DCAF11: variants seen among roughly 807,000 people sequenced by gnomAD.
DCAF11 encodes DDB1 and CUL4 associated factor 11.
In DCAF11, 44 loss-of-function variants were observed where a neutral mutation model predicts 76.1. That is an observed-to-expected ratio of 0.58 (90% CI 0.45 to 0.74). The LOEUF is 0.74. Ranked by LOEUF, DCAF11 falls within the 30% of genes least tolerant of loss-of-function variation. DCAF11 has a pLI of 0.00. For synonymous variants in DCAF11, 258 were observed against 255.0 expected (o/e 1.01, Z -0.11); for missense variants, 604 against 709.4 (o/e 0.85, Z 1.69).
At chr14:24,122,283 C>T (rs2037705343) in intron 13 of DCAF11, 1 of 151,958 alleles carries the variant, frequency 6.6e-6, no homozygotes, top group South Asian at 2.1e-4. Flanking sequence ...ATGGTGAAGC[C>T]CCATCTCTAT....
intron 2 of DCAF11, among the ~76,000 whole-genome samples, chr14:24,116,591 CTTG>C (rs542627335): frequency 6.6e-4 from 101 of 152,296 alleles, no homozygotes; most frequent in Non-Finnish European, 1.2e-3. Flanking sequence ...GGATGTTTAG[CTTG>C]TTGGGAGGTC....
chr14:24,119,658 C>T, intron 10 of DCAF11, 42 bp downstream of exon 10: 1 of 1,614,142 alleles, frequency 6.2e-7, no homozygotes, highest in Non-Finnish European at 8.5e-7. Context: ...TGGTTTTTGG[C>T]TTTTTATAAG....
In DCAF11 at chr14:24,117,322, G is replaced by A; in HGVS notation, c.340G>A (p.Glu114Lys). 1 of 1,614,206 alleles carries A rather than the reference G, an allele frequency of 6.2e-7. No individual in the cohort carries two copies. The highest frequency in any genetic ancestry group is 8.5e-7 in the Non-Finnish European group (1 of 1,180,034). ...LEFNEIKTQV[E>K]LATGQLGLRR... ...ATTCAATGAGATCAAGACACAAGTG[G>A]AACTGGCCACAGGGCAGCTGGGGCT... Residue 114 changes from glutamate to lysine, a missense_variant, in exon 4 of 15, where the codon GAA becomes AAA. By Grantham distance (56) the Glu-to-Lys change is moderately conservative. Transcript: ENST00000446197. The surrounding 1 kb of genome is among the most constrained non-coding windows in gnomAD (Gnocchi z 4.3).
rs371314927 is a variant in DCAF11 at position 24,117,641 on chromosome 14, C to G, written c.412-27C>G. 1 of 1,607,776 alleles carries G rather than the reference C, an allele frequency of 6.2e-7. No homozygotes were observed. The highest frequency in any genetic ancestry group is 8.5e-7 in the Non-Finnish European group (1 of 1,175,308). On this transcript the variant is annotated intron_variant, in intron 4 of 14. Coordinates refer to ENST00000446197, the MANE Select transcript of DCAF11 (RefSeq NM_025230.5). This position sits in a 1 kb window ranked among gnomAD's most constrained non-coding sequence, Gnocchi z 4.3. ...TGAAGTGGCCCTCTATTTCTGCTAGCAATATTCCCCAATCCCTTCCATTTA... is the reference window on the plus strand; with the variant it reads ...TGAAGTGGCCCTCTATTTCTGCTAGGAATATTCCCCAATCCCTTCCATTTA...
intron 6 of DCAF11, 34 bp downstream of exon 6, chr14:24,118,189 C>T (rs145287754): frequency 1.3e-6 from 2 of 1,591,492 alleles, no homozygotes; most frequent in Non-Finnish European, 1.7e-6. Context: ...CTATCTTTTC[C>T]TGGAACATGG....
chr14:24,123,490 CT>C lies in DCAF11; in HGVS notation c.*183del. 1 of 959,688 alleles carries C rather than the reference CT, an allele frequency of 1.0e-6. No homozygotes were observed. The highest frequency in any genetic ancestry group is 1.4e-6 in the Non-Finnish European group (1 of 711,024). The allele number at this position is 959,688 out of a possible 1,614,324, so 59.4% of individuals were successfully genotyped here. A position where few individuals can be genotyped will look rare whatever the true frequency, so the allele number is the denominator to read the frequency against. On this transcript the variant is annotated 3_prime_UTR_variant, in exon 15 of 15. Coordinates refer to ENST00000446197, the MANE Select transcript of DCAF11 (RefSeq NM_025230.5). ...TCTCCCCATGGGGCAGAGTGGTCTC[CT>C]TACGTGCTCACACCCAGTCAGCTTG...
Position 24,115,083 on chromosome 14 carries a change from C to G in DCAF11, c.-424C>G, listed in dbSNP as rs2037513028. The G allele has an allele frequency of 1.1e-6, 1 of 946,630 alleles. No homozygotes were observed. The highest frequency in any genetic ancestry group is 1.3e-6 in the Non-Finnish European group (1 of 794,212). 58.6% of individuals were successfully genotyped at this position (946,630 alleles called of 1,614,324 possible). On this transcript the variant is annotated 5_prime_UTR_variant, in exon 1 of 15. Coordinates refer to ENST00000446197, the MANE Select transcript of DCAF11 (RefSeq NM_025230.5). ...ATTCTATTTTCATTGGCTGTCACTG[C>G]TGCCGGCCTTTGTAAGGGGGCGCTC...
Position 24,118,171 on chromosome 14 carries a change from C to T in DCAF11, c.577+16C>T, listed in dbSNP as rs368549286. On this transcript the variant is annotated intron_variant, in intron 6 of 14. Coordinates refer to ENST00000446197, the MANE Select transcript of DCAF11 (RefSeq NM_025230.5). The stretch of plus-strand genomic sequence containing the variant: ...GCTTGCCAAGGTACCAGACCCTGGT[C>T]CTATAAACTATCTTTTCCTGGAACA... 72 of 1,598,552 alleles carry T rather than the reference C, an allele frequency of 4.5e-5. No individual in the cohort carries two copies. The highest frequency in any genetic ancestry group is 1.9e-4 in the Admixed American group (11 of 59,330).
In DCAF11 at chr14:24,117,447, C is replaced by T. The variant is rs1227696984; in HGVS notation, c.411+54C>T. 3.7e-6 allele frequency: 6 copies of T among 1,607,310 alleles called. No individual in the cohort carries two copies. The East Asian group carries it at 8.9e-5, about 24-fold the overall frequency. ...GCAGGCCTGCCAAAGCAGCCAGAAG[C>T]TCTGCCAGCCCCAGAGAAAAAGGAA... is the stretch of plus-strand genomic sequence containing the variant. On this transcript the variant is annotated intron_variant, in intron 4 of 14. Coordinates refer to ENST00000446197, the MANE Select transcript of DCAF11 (RefSeq NM_025230.5). The surrounding 1 kb of genome is among the most constrained non-coding windows in gnomAD (Gnocchi z 4.3).
At chr14:24,120,494 T>G (rs2037670101) in intron 11 of DCAF11, among the ~76,000 whole-genome samples, 1 of 151,792 alleles carries the variant, frequency 6.6e-6, no homozygotes, top group Non-Finnish European at 1.5e-5. Context: ...GAGGCGGAGC[T>G]TGCAGTGAGC....
At chr14:24,115,899 C>A in intron 2 of DCAF11, 150 bp downstream of exon 2, 1 of 991,060 alleles carries the variant, frequency 1.0e-6, no homozygotes, top group Non-Finnish European at 1.4e-6. Context: ...GCTGGGCACC[C>A]ATGGCACTCA....
chr14:24,120,048 A>G, intron 11 of DCAF11, 152 bp downstream of exon 11: 1 of 1,027,124 alleles, frequency 9.7e-7, no homozygotes, highest in East Asian at 2.6e-5. Flanking sequence ...AAGCCAGGGA[A>G]CATGAATTCC....
At position 24,118,043 on chromosome 14, in the gene DCAF11, C is replaced by T; in HGVS notation, c.477-12C>T. 6.3e-7 allele frequency: 1 copy of T among 1,595,444 alleles called. No homozygotes were observed. Among genetic ancestry groups the T allele is most frequent in the Non-Finnish European group, 8.6e-7 (1 of 1,168,546 alleles). ...AGCACCCCTCACCCTCACTTTCTCT[C>T]TCCTTCCCTAGCTTCTTGCCCAATG... On this transcript the variant is annotated splice_polypyrimidine_tract_variant and intron_variant, in intron 5 of 14. Transcript: ENST00000446197.
In DCAF11 at chr14:24,119,626, C is replaced by T. The variant is rs373132260; in HGVS notation, c.906+10C>T. The T allele has an allele frequency of 9.9e-6, 16 of 1,614,060 alleles. No homozygotes were observed. The African/African-American group carries it at 2.0e-4, about 20-fold the overall frequency. On this transcript the variant is annotated intron_variant, in intron 10 of 14. Coordinates refer to ENST00000446197, the MANE Select transcript of DCAF11 (RefSeq NM_025230.5). ...CCGGCGCACCCTTCAGGTATGGCTC[C>T]TGAGATAGAGCCTCTGCCTCCTGGT...
At chr14:24,119,681 G>A in intron 10 of DCAF11, 30 bp from the exon 11 acceptor site, 2 of 1,614,178 alleles carry the variant, frequency 1.2e-6, no homozygotes, top group Non-Finnish European at 1.7e-6. Context: ...CTAGAAAGAG[G>A]TCTTATATCC....
At position 24,115,538 on chromosome 14, in the gene DCAF11, C is replaced by T. The variant is rs1442661743; in HGVS notation, c.-57C>T. ...AGAGCACGCTTTGCTTTCACCAAACCCAAGGAGGTGACAGGAGGAGCCCCC... is the reference window on the plus strand; with the variant it reads ...AGAGCACGCTTTGCTTTCACCAAACTCAAGGAGGTGACAGGAGGAGCCCCC... On this transcript the variant is annotated 5_prime_UTR_variant, in exon 2 of 15. Coordinates refer to ENST00000446197, the MANE Select transcript of DCAF11 (RefSeq NM_025230.5). 2 of 1,553,178 alleles carry T rather than the reference C, an allele frequency of 1.3e-6. No homozygotes were observed. Among genetic ancestry groups the T allele is most frequent in the Non-Finnish European group, 1.7e-6 (2 of 1,151,122 alleles).
In DCAF11 at chr14:24,123,313, C is replaced by T. The variant is rs1222869434; in HGVS notation, c.*4C>T. ...ACCCTTTTCCTCACCCCAGTAGATCCAACCTCCAGCCCCATATAGGGTGAA... is the reference window on the plus strand; with the variant it reads ...ACCCTTTTCCTCACCCCAGTAGATCTAACCTCCAGCCCCATATAGGGTGAA... On this transcript the variant is annotated 3_prime_UTR_variant, in exon 15 of 15. Coordinates refer to ENST00000446197, the MANE Select transcript of DCAF11 (RefSeq NM_025230.5). The T allele has an allele frequency of 1.3e-5, 20 of 1,523,858 alleles. No individual in the cohort carries two copies. Among genetic ancestry groups the T allele is most frequent in the Non-Finnish European group, 1.6e-5 (18 of 1,136,162 alleles). 94.4% of individuals were successfully genotyped at this position (1,523,858 alleles called of 1,614,324 possible).
At position 24,118,139 on chromosome 14, in the gene DCAF11, C is replaced by T; in HGVS notation, c.561C>T (p.Phe187=). ...TCTACAGCAAAGATGGTCAAATATTCATGTCTGCTTGCCAAGGTACCAGAC... is the reference window on the plus strand; with the variant it reads ...TCTACAGCAAAGATGGTCAAATATTTATGTCTGCTTGCCAAGGTACCAGAC... ...CGIYSKDGQI[F]MSACQDQTIR... The change falls in exon 6 of 15, where the codon TTC becomes TTT. Residue 187 remains phenylalanine, a synonymous_variant. Coordinates refer to ENST00000446197, the MANE Select transcript of DCAF11 (RefSeq NM_025230.5). 1 of 1,612,838 alleles carries T rather than the reference C, an allele frequency of 6.2e-7. No individual in the cohort carries two copies. Among genetic ancestry groups the T allele is most frequent in the Non-Finnish European group, 8.5e-7 (1 of 1,179,484 alleles).
chr14:24,118,811 G>A lies in DCAF11; in HGVS notation c.779+7G>A, dbSNP rs200912602. 18 of 1,613,822 alleles carry A rather than the reference G, an allele frequency of 1.1e-5. No homozygotes were observed. The highest frequency in any genetic ancestry group is 1.6e-4 in the Middle Eastern group (1 of 6,082). On this transcript the variant is annotated splice_region_variant and intron_variant, in intron 8 of 14. Coordinates refer to ENST00000446197, the MANE Select transcript of DCAF11 (RefSeq NM_025230.5). ...ACACTGCCCTGGATCTCAGGTACTG[G>A]CTTCCCTTTCTGGTCAGACTCATCA...
Sources: gnomAD v4.1 joint callset for allele counts (sites outside exome capture counted in the v4.1 genomes callset) on GRCh38, gnomAD v4.1.1 for gene constraint, Gnocchi (gnomAD v3.1) non-coding constraint, MANE v1.5 for transcripts, NCBI Gene and HGNC (gene_info 2026-07-23, HGNC 2026-07-21) for gene names.